PCDH9: variants seen among roughly 807,000 people sequenced by gnomAD.
PCDH9 encodes the protein protocadherin-9.
A neutral mutation model predicts 70.6 loss-of-function variants in PCDH9; 24 were observed. The observed-to-expected ratio is 0.34, with a 90% CI of 0.25 to 0.48. PCDH9 has a LOEUF of 0.48. PCDH9 is among the 20% of genes least tolerant of loss of function. The probability of loss-of-function intolerance (pLI) is 0.99; values close to 1 mark genes in which losing one functional copy is unlikely to be tolerated. For synonymous variants in PCDH9, 562 were observed against 558.5 expected (o/e 1.01, Z -0.09); for missense variants, 1,281 against 1,503.6 (o/e 0.85, Z 2.45).
chr13:66,622,968 C>G (rs186986816), intron 4 of PCDH9, among the ~76,000 whole-genome samples: 189 of 152,188 alleles, frequency 1.2e-3, no homozygotes, highest in African/African-American at 4.4e-3. Flanking sequence ...ACGAACAACT[C>G]CAGACGGGCC....
At chr13:66,860,905 G>C (rs547288203) in intron 3 of PCDH9, among the ~76,000 whole-genome samples, 1 of 152,296 alleles carries the variant, frequency 6.6e-6, no homozygotes, top group East Asian at 1.9e-4. Flanking sequence ...TATCAGGCAT[G>C]AAAAGCTACA....
intron 3 of PCDH9, among the ~76,000 whole-genome samples, chr13:66,800,230 C>T (rs1247900545): frequency 6.6e-6 from 1 of 152,032 alleles, no homozygotes; most frequent in Non-Finnish European, 1.5e-5. Context: ...AAACCCTGCC[C>T]TCTCACCCCC....
At chr13:66,831,336 G>C (rs1207636615) in intron 3 of PCDH9, among the ~76,000 whole-genome samples, 1 of 152,060 alleles carries the variant, frequency 6.6e-6, no homozygotes, top group Non-Finnish European at 1.5e-5. Context: ...CCTGAGATGT[G>C]GCTTCTGGAC....
chr13:66,929,291 C>T (rs969265098), intron 2 of PCDH9, among the ~76,000 whole-genome samples: 3 of 150,952 alleles, frequency 2.0e-5, no homozygotes, highest in Non-Finnish European at 4.4e-5. Context: ...TAACTTGTGA[C>T]ATTATTTTTT....
At chr13:66,979,932 CCTAT>C (rs1313023597) in intron 2 of PCDH9, among the ~76,000 whole-genome samples, 5 of 151,738 alleles carry the variant, frequency 3.3e-5, no homozygotes, top group South Asian at 4.1e-4. Context: ...TTCTTTCTTT[CCTAT>C]CTAATTCTTT....
intron 2 of PCDH9, chr13:67,219,198 C>T (rs544080501): frequency 6.6e-6 from 1 of 151,894 alleles, no homozygotes; most frequent in Non-Finnish European, 1.5e-5. Context: ...AGTTGTTTAA[C>T]TTATTTAGGA....
At chr13:66,596,226 G>A (rs1427416966) in intron 4 of PCDH9, among the ~76,000 whole-genome samples, 1 of 151,546 alleles carries the variant, frequency 6.6e-6, no homozygotes, top group Non-Finnish European at 1.5e-5. Context: ...ATTACATACT[G>A]TTTTGTCCAG....
chr13:66,684,639 GTTTCCTGAGGCC>G (rs2078374807), intron 3 of PCDH9, among the ~76,000 whole-genome samples: 1 of 152,064 alleles, frequency 6.6e-6, no homozygotes, highest in Non-Finnish European at 1.5e-5. Flanking sequence ...ATGATTGTAA[GTTTCCTGAGGCC>G]TCAGGAAACA....
chr13:66,680,916 G>A, intron 3 of PCDH9, among the ~76,000 whole-genome samples: 1 of 151,998 alleles, frequency 6.6e-6, no homozygotes, highest in East Asian at 1.9e-4. Flanking sequence ...ATATGTACAT[G>A]GTAACTATGC....
intron 4 of PCDH9, among the ~76,000 whole-genome samples, chr13:66,522,473 A>T (rs1960038770): frequency 6.6e-6 from 1 of 152,170 alleles, no homozygotes; most frequent in Non-Finnish European, 1.5e-5. Context: ...AACAACTGTC[A>T]CATAGCTTAT....
At chr13:66,507,601 G>A (rs969050983) in intron 4 of PCDH9, among the ~76,000 whole-genome samples, 4 of 152,062 alleles carry the variant, frequency 2.6e-5, no homozygotes, top group Non-Finnish European at 5.9e-5. Flanking sequence ...ATATAGTTGT[G>A]TCTCTGTCTG....
chr13:67,219,127 A>G (rs2089670805), intron 2 of PCDH9: 1 of 152,072 alleles, frequency 6.6e-6, no homozygotes, highest in South Asian at 2.1e-4. Context: ...AATGAGAAAG[A>G]TTAAATATGG....
chr13:66,435,833 T>C (rs1957859413), intron 4 of PCDH9, among the ~76,000 whole-genome samples: 1 of 152,132 alleles, frequency 6.6e-6, no homozygotes, highest in Non-Finnish European at 1.5e-5. Flanking sequence ...ACATCCCTGC[T>C]TGGAGATTAC....
chr13:66,516,325 T>C (rs1375343873), intron 4 of PCDH9, among the ~76,000 whole-genome samples: 2 of 152,076 alleles, frequency 1.3e-5, no homozygotes, highest in Non-Finnish European at 2.9e-5. Flanking sequence ...TATTACTCAA[T>C]ATTTCTAATA....
intron 3 of PCDH9, among the ~76,000 whole-genome samples, chr13:66,765,320 C>T (rs1192972167): frequency 6.6e-6 from 1 of 151,808 alleles, no homozygotes; most frequent in Non-Finnish European, 1.5e-5. Context: ...AAGATCCAAC[C>T]CTGAAAAAAG....
intron 4 of PCDH9, among the ~76,000 whole-genome samples, chr13:66,324,449 C>T (rs997282797): frequency 6.6e-5 from 10 of 152,148 alleles, no homozygotes; most frequent in Non-Finnish European, 1.5e-4. Context: ...CAAGTTACTT[C>T]GACCTAGGAT....
chr13:66,960,478 C>G (rs2083328545), intron 2 of PCDH9, among the ~76,000 whole-genome samples: 1 of 152,054 alleles, frequency 6.6e-6, no homozygotes, highest in South Asian at 2.1e-4. Context: ...TAAAGAATTT[C>G]AAAGGGCCAC....
intron 2 of PCDH9, among the ~76,000 whole-genome samples, chr13:67,125,666 A>G (rs962138153): frequency 5.9e-5 from 9 of 152,198 alleles, no homozygotes; most frequent in African/African-American, 2.2e-4. Flanking sequence ...TTTTGAACTC[A>G]AGAAAAAGTA....
chr13:66,387,814 G>C (rs1468548327), intron 4 of PCDH9, among the ~76,000 whole-genome samples: 1 of 151,930 alleles, frequency 6.6e-6, no homozygotes, highest in African/African-American at 2.4e-5. Flanking sequence ...TATTACTTTT[G>C]TGATTTTTGA....
Sources: allele counts gnomAD v4.1 joint callset (sites outside exome capture counted in the v4.1 genomes callset), GRCh38; gene constraint gnomAD v4.1.1; transcripts MANE v1.5; gene names NCBI Gene and HGNC (gene_info 2026-07-23, HGNC 2026-07-21).